The following POLK variants were observed in gnomAD, a reference collection of about 807,000 sequenced individuals.
POLK encodes the protein DNA polymerase kappa, also known as polymerase (DNA directed) kappa.
Under a neutral mutation model 94.0 loss-of-function variants are expected in POLK, and 76 were observed. The observed-to-expected ratio is 0.81, with a 90% confidence interval of 0.67 to 0.98. The LOEUF is 0.98. Ranked by LOEUF, POLK falls within the 50% of genes least tolerant of loss-of-function variation. The pLI is 0.00. For missense variants in POLK, 954 were observed against 1,010.1 expected (o/e 0.94, Z 0.75); for synonymous variants, 349 against 325.4 (o/e 1.07, Z -0.78).
exon 5 of POLK, chr5:75,573,754 A>G (rs1236378911): frequency 1.9e-6 from 3 of 1,612,924 alleles, no homozygotes; most frequent in Non-Finnish European, 8.5e-7. Context: ...TCAAATTACC[A>G]TGCAAGGAGA....
At chr5:75,540,119 A>AT (rs1769663745) in intron 1 of POLK, among the ~76,000 whole-genome samples, 2 of 152,100 alleles carry the variant, frequency 1.3e-5, no homozygotes, top group Non-Finnish European at 1.5e-5. Flanking sequence ...TGAAAGGATC[A>AT]TTTTTCCAGG....
intron 6 of POLK, among the ~76,000 whole-genome samples, chr5:75,579,721 G>A (rs1174944761): frequency 6.6e-6 from 1 of 151,948 alleles, no homozygotes; most frequent in Non-Finnish European, 1.5e-5. Flanking sequence ...AGGAACTGAA[G>A]CACATAAATA....
At chr5:75,586,539 C>A (rs1291146220) in intron 9 of POLK, among the ~76,000 whole-genome samples, 3 of 152,154 alleles carry the variant, frequency 2.0e-5, no homozygotes, top group African/African-American at 7.2e-5. Flanking sequence ...GATTCCCAAT[C>A]TTCATCCTAT....
chr5:75,516,671 CA>C (rs915812851), intron 1 of POLK, among the ~76,000 whole-genome samples: 1 of 151,532 alleles, frequency 6.6e-6, no homozygotes, highest in Non-Finnish European at 1.5e-5. Flanking sequence ...TCTCCAAAAA[CA>C]AAAAAACAAA....
intron 3 of POLK, among the ~76,000 whole-genome samples, chr5:75,564,876 G>C (rs1314547134): frequency 2.6e-5 from 4 of 152,036 alleles, no homozygotes; most frequent in Non-Finnish European, 5.9e-5. Flanking sequence ...TGCTCTTCTC[G>C]AGGAGTATCT....
Position 75,569,093 on chromosome 5 carries a change from C to T in POLK, c.256-247C>T, listed in dbSNP as rs141190301. ...CAATTACCAATTTTAATTTAAAAAA[C>T]AATACAATATACATAGATAAACACT... On this transcript the variant is annotated intron_variant, in intron 3 of 14. Transcript: ENST00000241436. 1.2e-4 allele frequency among the ~76,000 whole-genome samples: 18 copies of T among 152,130 alleles called. No homozygotes were observed. In the East Asian group the frequency reaches 2.7e-3, roughly 23 times the overall value.
At chr5:75,579,464 G>A (rs2112811032) in intron 6 of POLK, among the ~76,000 whole-genome samples, 1 of 151,822 alleles carries the variant, frequency 6.6e-6, no homozygotes, top group East Asian at 2.0e-4. Context: ...CTGCCTCCTG[G>A]GTTGAAGTAA....
Position 75,596,927 on chromosome 5 carries a change from C to A in POLK, c.2234C>A (p.Ser745Tyr), listed in dbSNP as rs569748739. 40 of 1,613,096 alleles carry A rather than the reference C, an allele frequency of 2.5e-5. 1 individual carries two copies. The highest frequency in any genetic ancestry group is 6.7e-5 in the Admixed American group (4 of 59,964). ...AATATTGAACACTGTCATCAGAATT[C>A]TTCTTCTACTGTTTCATTGGAAAAC... The change falls in exon 13 of 15, where the codon TCT becomes TAT. Residue 745 changes from serine (S) to tyrosine (Y), a missense_variant. Coordinates refer to ENST00000241436, the Ensembl canonical transcript of POLK.
downstream of POLK, among the ~76,000 whole-genome samples, chr5:75,601,398 T>TGA (rs10648952): frequency 0.032 from 4,927 of 152,226 alleles, 263 homozygotes; most frequent in African/African-American, 0.11. Context: ...TGGTTAATAT[T>TGA]GAGTGTCAAC....
intron 3 of POLK, among the ~76,000 whole-genome samples, chr5:75,558,971 A>AT (rs1770793079): frequency 6.6e-6 from 1 of 152,126 alleles, no homozygotes; most frequent in Admixed American, 6.6e-5. Context: ...AGAATTTAAG[A>AT]TTTTGTTCCA....
chr5:75,532,774 A>G lies in POLK; in HGVS notation c.-13-14236A>G, dbSNP rs151272943. Among the ~76,000 whole-genome samples, 316 of 152,306 alleles carry G rather than the reference A, an allele frequency of 2.1e-3. 1 individual carries two copies. In the East Asian group the frequency reaches 0.027, roughly 13 times the overall value. On this transcript the variant is annotated intron_variant, in intron 1 of 14. Transcript: ENST00000241436. Reference sequence around the variant, plus strand: ...GTTATTTTTTGATTTTTTAAAAATCACAATTCTGACTGGTGGGAGGTGATA... The same window carrying G: ...GTTATTTTTTGATTTTTTAAAAATCGCAATTCTGACTGGTGGGAGGTGATA...
At chr5:75,598,756 C>T (rs1773210882) in exon 15 of POLK, 1 of 151,838 alleles carries the variant, frequency 6.6e-6, no homozygotes, top group Non-Finnish European at 1.5e-5. Context: ...TAAATTGTAC[C>T]ATCATTTTAT....
At chr5:75,531,653 C>T (rs1769188777) in intron 1 of POLK, among the ~76,000 whole-genome samples, 2 of 151,874 alleles carry the variant, frequency 1.3e-5, no homozygotes, top group South Asian at 2.1e-4. Flanking sequence ...ATTAGCCAGG[C>T]GTGGTGGTGG....
chr5:75,541,829 G>A (rs749006335), intron 1 of POLK, among the ~76,000 whole-genome samples: 1 of 152,122 alleles, frequency 6.6e-6, no homozygotes, highest in Non-Finnish European at 1.5e-5. Context: ...TGGCCATATG[G>A]TTTCAGTGTA....
At chr5:75,565,433 A>G (rs1771218073) in intron 3 of POLK, among the ~76,000 whole-genome samples, 1 of 152,066 alleles carries the variant, frequency 6.6e-6, no homozygotes, top group Non-Finnish European at 1.5e-5. Flanking sequence ...GCTGGCATGA[A>G]GTTGGGATTC....
At chr5:75,510,945 G>A (rs1561316211), upstream of POLK, among the ~76,000 whole-genome samples, 1 of 152,116 alleles carries the variant, frequency 6.6e-6, no homozygotes, top group African/African-American at 2.4e-5. Context: ...CGGGCAACAA[G>A]GACAGTGCCC....
intron 2 of POLK, among the ~76,000 whole-genome samples, chr5:75,551,498 A>C (rs1431618799): frequency 1.3e-5 from 2 of 152,230 alleles, no homozygotes; most frequent in Non-Finnish European, 2.9e-5. Flanking sequence ...CAGAATATAC[A>C]GAAAATGTCT....
intron 1 of POLK, among the ~76,000 whole-genome samples, chr5:75,529,074 C>T (rs556096783): frequency 1.3e-5 from 2 of 152,204 alleles, no homozygotes; most frequent in African/African-American, 4.8e-5. Flanking sequence ...AGTCCATTTG[C>T]ATTGCTTTAA....
At chr5:75,592,312 A>G (rs1186760462) in intron 11 of POLK, among the ~76,000 whole-genome samples, 1 of 152,244 alleles carries the variant, frequency 6.6e-6, no homozygotes, top group African/African-American at 2.4e-5. Flanking sequence ...CACTTTTAGA[A>G]AGATTTTTTT....
Sources: allele counts gnomAD v4.1 joint callset (sites outside exome capture counted in the v4.1 genomes callset), GRCh38; gene constraint gnomAD v4.1.1; transcripts MANE v1.5; gene names NCBI Gene and HGNC (gene_info 2026-07-23, HGNC 2026-07-21).